The following EMSY variants were observed in gnomAD, a reference collection of about 807,000 sequenced individuals.
EMSY encodes the protein EMSY transcriptional repressor, BRCA2 interacting, also known as BRCA2-interacting transcriptional repressor EMSY.
Under a neutral mutation model 134.6 loss-of-function variants are expected in EMSY, and 26 were observed. The ratio of observed to expected loss-of-function variants is 0.19; its 90% CI spans 0.14 to 0.27. The LOEUF (loss-of-function observed/expected upper bound fraction) is 0.27, where lower values mean the gene tolerates loss of function less well. EMSY is among the 10% of genes least tolerant of loss of function. The pLI is 1.00. For missense variants in EMSY, 1,305 were observed against 1,611.4 expected (o/e 0.81, Z 3.26); for synonymous variants, 579 against 577.8 (o/e 1.00, Z -0.03).
chr11:76,551,845 T>C (rs1951844376), downstream of EMSY: 1 of 152,206 alleles, frequency 6.6e-6, no homozygotes, highest in African/African-American at 2.4e-5. Context: ...AGCCTATCCA[T>C]GTATTCCAGG....
At chr11:76,502,155 C>G (rs1949889159) in intron 9 of EMSY, among the ~76,000 whole-genome samples, 1 of 150,792 alleles carries the variant, frequency 6.6e-6, no homozygotes, top group Non-Finnish European at 1.5e-5. Context: ...GAGTGTGTTG[C>G]TAGCAGACCC....
exon 19 of EMSY, chr11:76,544,291 C>T (rs755860479): frequency 1.9e-6 from 3 of 1,614,032 alleles, no homozygotes; most frequent in East Asian, 2.2e-5. Flanking sequence ...TTACCAAACA[C>T]AGCGAGGAAC....
exon 7 of EMSY, chr11:76,463,954 G>C (rs781334599): frequency 6.2e-7 from 1 of 1,614,070 alleles, no homozygotes; most frequent in African/African-American, 1.3e-5. Flanking sequence ...CTGTGCCTGT[G>C]AGTGGTAGTC....
At chr11:76,467,076 ATTAAC>A in intron 7 of EMSY, among the ~76,000 whole-genome samples, 1 of 152,348 alleles carries the variant, frequency 6.6e-6, no homozygotes, top group East Asian at 1.9e-4. Flanking sequence ...ATATATAGAA[ATTAAC>A]TATTTTTGAT....
At chr11:76,464,632 G>A (rs1948277480) in intron 7 of EMSY, among the ~76,000 whole-genome samples, 1 of 152,152 alleles carries the variant, frequency 6.6e-6, no homozygotes. Flanking sequence ...ACACTGATCT[G>A]GATGGACCAT....
intron 14 of EMSY, among the ~76,000 whole-genome samples, chr11:76,531,180 C>T (rs1275779829): frequency 6.6e-6 from 1 of 152,032 alleles, no homozygotes; most frequent in Non-Finnish European, 1.5e-5. Context: ...AAGGATTCTT[C>T]TCTTTATGAC....
rs758931507 is a variant in EMSY, at chr11:76,496,422, C to G, written c.1316C>G (p.Pro439Arg). 1.9e-6 allele frequency: 3 copies of G among 1,614,166 alleles called. No homozygotes were observed. The South Asian group carries it at 3.3e-5, about 18-fold the overall frequency. Residue 439 changes from proline to arginine, a missense_variant, in exon 9 of 21, where the codon CCT becomes CGT. This residue lies in a region of EMSY where 180 missense variants were observed against 171.1 expected (regional missense o/e 1.05). Transcript: ENST00000334736. ...CATCAGCAACAGCCTCAGCAGTCTC[C>G]TTTGCCACCTGGTATTAAACCTACC...
intron 4 of EMSY, among the ~76,000 whole-genome samples, chr11:76,456,948 T>G (rs1201916291): frequency 2.6e-5 from 4 of 152,296 alleles, no homozygotes; most frequent in Non-Finnish European, 5.9e-5. Flanking sequence ...TTCAGTAGTA[T>G]GATTATGCTG....
intron 8 of EMSY, among the ~76,000 whole-genome samples, chr11:76,484,936 A>T (rs201414301): frequency 1.3e-5 from 2 of 151,044 alleles, no homozygotes; most frequent in Admixed American, 6.6e-5. Flanking sequence ...CTCAAAAAAA[A>T]AAAAAAACCT....
chr11:76,518,183 T>TTTC (rs1410166793), intron 11 of EMSY, among the ~76,000 whole-genome samples: 1 of 149,956 alleles, frequency 6.7e-6, no homozygotes, highest in Non-Finnish European at 1.5e-5. Flanking sequence ...TTTTTTTTTT[T>TTTC]TTTTAAGACA....
chr11:76,454,839 C>G (rs1057095795), intron 4 of EMSY, 49 bp downstream of exon 5: 1 of 1,316,310 alleles, frequency 7.6e-7, no homozygotes, highest in Admixed American at 2.5e-5. Flanking sequence ...GTATTTATTT[C>G]CAAATTGAAG....
At chr11:76,522,365 T>C (rs1950676108) in intron 11 of EMSY, among the ~76,000 whole-genome samples, 1 of 127,446 alleles carries the variant, frequency 7.8e-6, no homozygotes, top group Non-Finnish European at 1.7e-5. Context: ...TTTTTTTTTT[T>C]TTTTTTTTTT....
intron 5 of EMSY, chr11:76,458,569 T>G (rs1416918526): frequency 2.3e-6 from 1 of 434,848 alleles, no homozygotes; most frequent in Non-Finnish European, 3.9e-6. Flanking sequence ...GTGAATTATG[T>G]TAATCATCAA....
intron 6 of EMSY, among the ~76,000 whole-genome samples, chr11:76,463,357 CTCACGCCTG>C (rs1792681642): frequency 6.6e-6 from 1 of 151,936 alleles, no homozygotes; most frequent in South Asian, 2.1e-4. Context: ...GGCGCGGTGG[CTCACGCCTG>C]TAATCCCAGC....
chr11:76,536,131 T>C (rs1429038203), intron 15 of EMSY, 72 bp downstream of exon 16: 11 of 986,516 alleles, frequency 1.1e-5, no homozygotes, highest in East Asian at 3.2e-5. Context: ...ATACTACCAC[T>C]GTTATTATTT....
intron 9 of EMSY, among the ~76,000 whole-genome samples, chr11:76,502,839 A>G (rs1949926242): frequency 6.6e-6 from 1 of 152,196 alleles, no homozygotes; most frequent in South Asian, 2.1e-4. Context: ...AAGATTTAAC[A>G]TTGTTAAGAT....
intron 8 of EMSY, among the ~76,000 whole-genome samples, chr11:76,484,661 G>A (rs898657752): frequency 2.6e-5 from 4 of 152,034 alleles, no homozygotes; most frequent in East Asian, 3.9e-4. Context: ...AAGGCCAGGC[G>A]CAGTGGCTCA....
chr11:76,546,884 A>G lies in EMSY; in HGVS notation c.3774+587A>G, dbSNP rs74929412. ...ACCATGAACTTTACTGTTTAATTCA[A>G]TCATTGTTATTAAAAAATCTTGTTT... On this transcript the variant is annotated intron_variant, in intron 20 of 20. Transcript: ENST00000334736. 7.6e-3 allele frequency: 2,167 copies of G among 285,454 alleles called. 40 individuals are homozygous for G. The highest frequency in any genetic ancestry group is 0.059 in the East Asian group (543 of 9,162). 17.7% of individuals were successfully genotyped at this position (285,454 alleles called of 1,614,324 possible).
intron 14 of EMSY, among the ~76,000 whole-genome samples, chr11:76,532,645 CT>C (rs1258786233): frequency 1.3e-5 from 2 of 152,048 alleles, no homozygotes; most frequent in South Asian, 4.2e-4. Context: ...TTATATTATG[CT>C]TTGTTTCCAA....
Sources: gnomAD v4.1 joint callset for allele counts (sites outside exome capture counted in the v4.1 genomes callset) on GRCh38, gnomAD v4.1.1 for gene constraint, gnomAD v4.1.1 regional missense constraint, MANE v1.5 for transcripts, NCBI Gene and HGNC (gene_info 2026-07-23, HGNC 2026-07-21) for gene names.